The following CSTPP1 variants were observed in gnomAD, a reference collection of about 807,000 sequenced individuals.
CSTPP1 encodes UPF0705 protein C11orf49.
At chr11:47,041,591 A>G in the CSTPP1 span, 1 of 405,228 alleles carries the variant, frequency 2.5e-6, no homozygotes, top group South Asian at 2.0e-5. Flanking sequence ...ATGCCGGGAA[A>G]GGCGCTCATG....
the CSTPP1 span, among the ~76,000 whole-genome samples, chr11:46,983,573 C>A: frequency 6.6e-6 from 1 of 152,136 alleles, no homozygotes; most frequent in Non-Finnish European, 1.5e-5. Flanking sequence ...TATCTTTGCC[C>A]TCCAGGGATG....
the CSTPP1 span, among the ~76,000 whole-genome samples, chr11:47,085,102 G>A: frequency 6.6e-6 from 1 of 152,108 alleles, no homozygotes; most frequent in Non-Finnish European, 1.5e-5. Flanking sequence ...TAGTCGGGAG[G>A]CTGAGGCAGA....
chr11:47,050,037 A>C, the CSTPP1 span, among the ~76,000 whole-genome samples: 1 of 152,196 alleles, frequency 6.6e-6, no homozygotes, highest in Non-Finnish European at 1.5e-5. Context: ...GTAGAGAAGC[A>C]GAATCTAGCC....
At chr11:47,159,514 G>GA in the CSTPP1 span, 13,445 of 300,318 alleles carry the variant, frequency 0.045, 2 homozygotes, top group South Asian at 0.071. Flanking sequence ...TCTCAAAAAA[G>GA]AAAAAAAAAA....
the CSTPP1 span, among the ~76,000 whole-genome samples, chr11:47,022,035 G>T: frequency 4.1e-4 from 57 of 139,208 alleles, no homozygotes; most frequent in Middle Eastern, 3.7e-3. Context: ...CACATATATG[G>T]TTTTTTTTTT....
chr11:47,122,091 A>AAAAAATATATATATATATATAT, the CSTPP1 span, among the ~76,000 whole-genome samples: 1 of 31,838 alleles, frequency 3.1e-5, no homozygotes, highest in Non-Finnish European at 6.4e-5. Context: ...AAAAAAAAAA[A>AAAAAATATATATATATATATAT]ATATATATAT....
At chr11:47,089,239 T>A in the CSTPP1 span, among the ~76,000 whole-genome samples, 1 of 152,176 alleles carries the variant, frequency 6.6e-6, no homozygotes, top group South Asian at 2.1e-4. Flanking sequence ...AGAGTTGATG[T>A]TGACAGTAAA....
chr11:47,143,814 A>G, the CSTPP1 span, among the ~76,000 whole-genome samples: 13,035 of 152,268 alleles, frequency 0.086, 1,856 homozygotes, highest in African/African-American at 0.3. Flanking sequence ...TGAGAAAGGT[A>G]TTTAATTTGA....
the CSTPP1 span, chr11:47,161,191 G>T: frequency 2.5e-5 from 40 of 1,613,538 alleles, no homozygotes; most frequent in East Asian, 5.1e-4. Context: ...TGGAACGGCT[G>T]TAAGTGTCAA....
At chr11:46,978,428 A>G in the CSTPP1 span, among the ~76,000 whole-genome samples, 3 of 152,318 alleles carry the variant, frequency 2.0e-5, no homozygotes, top group African/African-American at 7.2e-5. Context: ...GTCAAAAATT[A>G]TGTTGTTCTA....
chr11:47,047,870 A>G, the CSTPP1 span, among the ~76,000 whole-genome samples: 7 of 152,262 alleles, frequency 4.6e-5, no homozygotes, highest in African/African-American at 1.7e-4. Flanking sequence ...ACATTTCTCC[A>G]AAGAAGATAT....
chr11:46,941,158 C>A, the CSTPP1 span, among the ~76,000 whole-genome samples: 1 of 152,186 alleles, frequency 6.6e-6, no homozygotes, highest in African/African-American at 2.4e-5. Flanking sequence ...AATTCCTTGT[C>A]CTAACCACTA....
At chr11:46,943,951 G>T in the CSTPP1 span, among the ~76,000 whole-genome samples, 1 of 152,168 alleles carries the variant, frequency 6.6e-6, no homozygotes, top group African/African-American at 2.4e-5. Context: ...AGCCCAGGAG[G>T]TCAAGGCTGC....
At chr11:46,977,261 G>C in the CSTPP1 span, among the ~76,000 whole-genome samples, 1 of 152,202 alleles carries the variant, frequency 6.6e-6, no homozygotes, top group Non-Finnish European at 1.5e-5. Flanking sequence ...GCCAGCACTA[G>C]GGTTAACAGA....
chr11:47,099,430 G>T, the CSTPP1 span, among the ~76,000 whole-genome samples: 1 of 152,172 alleles, frequency 6.6e-6, no homozygotes, highest in South Asian at 2.1e-4. Flanking sequence ...TTGATGTGGT[G>T]AAACAAAGCC....
chr11:47,013,167 A>G, the CSTPP1 span, among the ~76,000 whole-genome samples: 4 of 148,216 alleles, frequency 2.7e-5, no homozygotes, highest in African/African-American at 9.8e-5. Flanking sequence ...ATAAATGGTT[A>G]TTATATATAA....
chr11:46,996,370 C>G, the CSTPP1 span, among the ~76,000 whole-genome samples: 1 of 151,380 alleles, frequency 6.6e-6, no homozygotes, highest in Admixed American at 6.6e-5. Context: ...GTGGTGCAAT[C>G]TCGACTCACT....
At chr11:46,987,507 T>C in the CSTPP1 span, 1 of 547,260 alleles carries the variant, frequency 1.8e-6, no homozygotes, top group South Asian at 2.5e-5. Flanking sequence ...CAGTGATGTC[T>C]CATGAATAGT....
chr11:47,161,214 T>C, the CSTPP1 span: 5 of 1,614,058 alleles, frequency 3.1e-6, no homozygotes, highest in Admixed American at 3.3e-5. Context: ...GGGAGGATAC[T>C]GCCCCCTTGT....
Sources: allele counts gnomAD v4.1 joint callset (sites outside exome capture counted in the v4.1 genomes callset), GRCh38; gene constraint gnomAD v4.1.1; transcripts MANE v1.5; gene names NCBI Gene and HGNC (gene_info 2026-07-23, HGNC 2026-07-21).